FRMD4A: variants seen among roughly 807,000 people sequenced by gnomAD.
The protein encoded by FRMD4A is FERM domain-containing protein 4A.
A neutral mutation model predicts 129.1 loss-of-function variants in FRMD4A; 29 were observed. The observed-to-expected ratio is 0.22, with a 90% confidence interval of 0.17 to 0.31. FRMD4A has a LOEUF of 0.31. FRMD4A is among the 10% of genes least tolerant of loss of function. The probability of loss-of-function intolerance (pLI) is 1.00; values close to 1 mark genes in which losing one functional copy is unlikely to be tolerated. For synonymous variants in FRMD4A, 634 were observed against 571.6 expected, an observed-to-expected ratio of 1.11 and a Z score of -1.56; for missense variants, 1,272 against 1,375.8, an observed-to-expected ratio of 0.92 and a Z score of 1.19.
At chr10:13,880,014 C>G (rs2094529909) in intron 2 of FRMD4A, among the ~76,000 whole-genome samples, 1 of 151,984 alleles carries the variant, frequency 6.6e-6, no homozygotes, top group Admixed American at 6.6e-5. Context: ...TGTCATCATA[C>G]TCAGTTCTGA....
At chr10:13,742,744 T>C (rs2091080581) in intron 9 of FRMD4A, among the ~76,000 whole-genome samples, 2 of 152,176 alleles carry the variant, frequency 1.3e-5, no homozygotes, top group African/African-American at 2.4e-5. Context: ...CTCAAACTCC[T>C]GACCTCAAAT....
At chr10:13,712,534 A>G (rs964411671) in intron 12 of FRMD4A, among the ~76,000 whole-genome samples, 8 of 151,978 alleles carry the variant, frequency 5.3e-5, no homozygotes, top group African/African-American at 1.4e-4. Flanking sequence ...AAAGAGCAAC[A>G]ACAAAAAAAA....
chr10:14,138,401 AAAAT>A (rs1356805599), intron 2 of FRMD4A, among the ~76,000 whole-genome samples: 2 of 152,216 alleles, frequency 1.3e-5, no homozygotes, highest in Non-Finnish European at 2.9e-5. Context: ...CAATGATAGC[AAAAT>A]AAATAAATTC....
chr10:14,156,440 G>C (rs999128835), intron 2 of FRMD4A, among the ~76,000 whole-genome samples: 3 of 152,134 alleles, frequency 2.0e-5, no homozygotes, highest in African/African-American at 7.2e-5. Flanking sequence ...TCTCTTGAGA[G>C]CACCAAAATA....
chr10:13,853,780 C>T (rs1409265446), intron 3 of FRMD4A, among the ~76,000 whole-genome samples: 6 of 129,620 alleles, frequency 4.6e-5, no homozygotes, highest in Non-Finnish European at 1.5e-5. Context: ...TGCAGTGAGC[C>T]AAGATTGCAC....
intron 2 of FRMD4A, among the ~76,000 whole-genome samples, chr10:13,999,023 C>G (rs935302379): frequency 6.6e-6 from 1 of 152,036 alleles, no homozygotes; most frequent in African/African-American, 2.4e-5. Context: ...CCATCTCACC[C>G]CTTCACTCTG....
intron 16 of FRMD4A, among the ~76,000 whole-genome samples, chr10:13,673,292 T>G (rs183478127): frequency 1.3e-5 from 2 of 152,342 alleles, no homozygotes; most frequent in East Asian, 3.9e-4. Context: ...TGGTTCTGCT[T>G]TGAGCTGGCT....
At chr10:13,702,375 T>A (rs1487610491) in intron 13 of FRMD4A, among the ~76,000 whole-genome samples, 1 of 152,232 alleles carries the variant, frequency 6.6e-6, no homozygotes, top group Non-Finnish European at 1.5e-5. Context: ...TGTCTATACA[T>A]TTTTAAATCT....
intron 2 of FRMD4A, among the ~76,000 whole-genome samples, chr10:13,977,612 T>G (rs1409834313): frequency 6.6e-6 from 1 of 152,240 alleles, no homozygotes; most frequent in Non-Finnish European, 1.5e-5. Context: ...TTTAGAACAT[T>G]TTCATCCCCC....
chr10:13,737,937 T>C lies in FRMD4A; in HGVS notation c.673-7A>G. ...ATGGTATGCCCTGCTTGTCCTAGGA[T>C]ATCAAAAAAAGTTTGGGTGAATATG... On this transcript the variant is annotated splice_region_variant and splice_polypyrimidine_tract_variant and intron_variant, in intron 11 of 24. Transcript: ENST00000357447. 6.4e-7 allele frequency: 1 copy of C among 1,556,874 alleles called. No individual in the cohort carries two copies. The highest frequency in any genetic ancestry group is 1.1e-5 in the South Asian group (1 of 89,634).
At chr10:13,852,291 T>A (rs1040117985) in intron 3 of FRMD4A, among the ~76,000 whole-genome samples, 1 of 152,040 alleles carries the variant, frequency 6.6e-6, no homozygotes, top group African/African-American at 2.4e-5. Flanking sequence ...GTTGCTGGGC[T>A]GGAGTGCAGT....
chr10:14,107,573 T>C (rs1281533706), intron 2 of FRMD4A, among the ~76,000 whole-genome samples: 1 of 152,244 alleles, frequency 6.6e-6, no homozygotes, highest in Non-Finnish European at 1.5e-5. Context: ...TCATTCACTT[T>C]GCTGCATCAT....
intron 2 of FRMD4A, among the ~76,000 whole-genome samples, chr10:14,184,866 G>A (rs1043583238): frequency 6.6e-6 from 1 of 152,026 alleles, no homozygotes; most frequent in African/African-American, 2.4e-5. Flanking sequence ...TTCGTGCATG[G>A]CCTGCCCGGA....
chr10:13,944,441 ATTAT>A (rs1487922189), intron 2 of FRMD4A, among the ~76,000 whole-genome samples: 1 of 152,058 alleles, frequency 6.6e-6, no homozygotes, highest in East Asian at 1.9e-4. Context: ...CTGATTCTAC[ATTAT>A]GTTGAGTTGT....
intron 4 of FRMD4A, among the ~76,000 whole-genome samples, chr10:13,805,048 G>C (rs528344742): frequency 6.6e-6 from 1 of 152,144 alleles, no homozygotes; most frequent in African/African-American, 2.4e-5. Flanking sequence ...AATTTATTTT[G>C]TATGTAAACT....
chr10:13,714,120 C>T (rs755301436), intron 12 of FRMD4A, among the ~76,000 whole-genome samples: 12 of 141,010 alleles, frequency 8.5e-5, no homozygotes, highest in Non-Finnish European at 1.4e-4. Flanking sequence ...AGTGCAGTGG[C>T]ACGTTCTCAG....
intron 12 of FRMD4A, among the ~76,000 whole-genome samples, chr10:13,708,309 C>T (rs997159224): frequency 3.3e-5 from 5 of 152,200 alleles, no homozygotes; most frequent in Non-Finnish European, 7.3e-5. Context: ...ATCTGACCCA[C>T]CCTGTCTTCC....
intron 2 of FRMD4A, among the ~76,000 whole-genome samples, chr10:14,003,877 CA>C (rs2095651970): frequency 6.6e-6 from 1 of 152,264 alleles, no homozygotes; most frequent in Non-Finnish European, 1.5e-5. Flanking sequence ...TGCCCCAAGG[CA>C]AACGCCCAGG....
intron 2 of FRMD4A, among the ~76,000 whole-genome samples, chr10:14,082,118 G>T (rs1414797192): frequency 6.6e-6 from 1 of 152,086 alleles, no homozygotes; most frequent in Non-Finnish European, 1.5e-5. Flanking sequence ...ATGGTGGCAC[G>T]TGCCTGAACT....
Sources: gnomAD v4.1 joint callset for allele counts (sites outside exome capture counted in the v4.1 genomes callset) on GRCh38, gnomAD v4.1.1 for gene constraint, MANE v1.5 for transcripts, NCBI Gene and HGNC (gene_info 2026-07-23, HGNC 2026-07-21) for gene names.